Variants in FBP2 observed in about 807,000 individuals in gnomAD.
FBP2 encodes fructose-bisphosphatase 2.
A neutral mutation model predicts 31.6 loss-of-function variants in FBP2; 27 were observed. The ratio of observed to expected loss-of-function variants is 0.85; its 90% CI spans 0.63 to 1.18. The LOEUF (loss-of-function observed/expected upper bound fraction) is 1.18, where lower values mean the gene tolerates loss of function less well. FBP2 is among the 50% of genes most tolerant of loss of function. The pLI is 0.00. For synonymous variants in FBP2, 168 were observed against 179.8 expected, an observed-to-expected ratio of 0.93 and a Z score of 0.53; for missense variants, 421 against 436.1, an observed-to-expected ratio of 0.97 and a Z score of 0.31.
At chr9:94,563,989 C>G (rs891949313) in intron 5 of FBP2, among the ~76,000 whole-genome samples, 9 of 152,164 alleles carry the variant, frequency 5.9e-5, no homozygotes, top group Non-Finnish European at 1.3e-4. Context: ...ATTCATAAAG[C>G]AAGTCCTTAG....
intron 1 of FBP2, among the ~76,000 whole-genome samples, chr9:94,587,834 G>A (rs188936816): frequency 3.3e-4 from 50 of 151,858 alleles, no homozygotes; most frequent in African/African-American, 1.2e-3. Context: ...TCCAGCTCCT[G>A]GAATTTGTTT....
chr9:94,563,279 G>T (rs1239515035), intron 6 of FBP2, 63 bp downstream of exon 6: 12 of 1,575,452 alleles, frequency 7.6e-6, no homozygotes, highest in Non-Finnish European at 1.0e-5. Context: ...CAGCAGGTGT[G>T]ACGGGAGGGA....
At chr9:94,575,237 C>A (rs1405539562) in intron 3 of FBP2, among the ~76,000 whole-genome samples, 1 of 152,100 alleles carries the variant, frequency 6.6e-6, no homozygotes, top group African/African-American at 2.4e-5. Context: ...TTTCCAGCAA[C>A]CTAGTGGACT....
intron 3 of FBP2, among the ~76,000 whole-genome samples, chr9:94,582,652 A>C (rs1474359306): frequency 5.4e-5 from 8 of 148,436 alleles, no homozygotes; most frequent in Non-Finnish European, 1.5e-5. Flanking sequence ...GGTTCACGCC[A>C]TTCTCCTGCC....
chr9:94,578,968 G>A (rs1827344802), intron 3 of FBP2, among the ~76,000 whole-genome samples: 1 of 142,462 alleles, frequency 7.0e-6, no homozygotes, highest in Non-Finnish European at 1.5e-5. Flanking sequence ...CAGGAGAATG[G>A]CGTGAACCCG....
intron 5 of FBP2, among the ~76,000 whole-genome samples, chr9:94,563,898 A>G (rs1827146689): frequency 6.6e-6 from 1 of 152,212 alleles, no homozygotes; most frequent in Non-Finnish European, 1.5e-5. Flanking sequence ...CGAAAAGGAC[A>G]TTACATAATG....
rs371812187 is a variant in FBP2 at position 94,587,282 on chromosome 9, C to A, written c.333+25G>T. On this transcript the variant is annotated intron_variant, in intron 2 of 6. Coordinates refer to ENST00000375337, the MANE Select transcript of FBP2 (RefSeq NM_003837.4). ...CTCAGTATCATCATCTACTGGCGAG[C>A]GGGCACCGCAGCCCCATGACGCACC... 7.9e-5 allele frequency: 125 copies of A among 1,582,482 alleles called. No homozygotes were observed. The African/African-American group carries it at 1.5e-3, about 19-fold the overall frequency.
At chr9:94,564,026 C>T (rs1046195122) in intron 5 of FBP2, among the ~76,000 whole-genome samples, 1 of 152,116 alleles carries the variant, frequency 6.6e-6, no homozygotes, top group African/African-American at 2.4e-5. Flanking sequence ...TTAGACACCC[C>T]CCCACAATAA....
At chr9:94,568,564 C>T (rs1827227228) in intron 4 of FBP2, 1 of 152,142 alleles carries the variant, frequency 6.6e-6, no homozygotes, top group Non-Finnish European at 1.5e-5. Context: ...AATGACAGCT[C>T]ACAGTTGGCA....
At chr9:94,583,185 G>A (rs802918) in intron 3 of FBP2, among the ~76,000 whole-genome samples, 40,254 of 151,950 alleles carry the variant, frequency 0.26, 6,738 homozygotes, top group East Asian at 0.53. Flanking sequence ...CCAACCTGTT[G>A]TCAAGCCCCA....
intron 3 of FBP2, among the ~76,000 whole-genome samples, chr9:94,581,549 T>C (rs1034097377): frequency 1.3e-5 from 2 of 152,184 alleles, no homozygotes; most frequent in Non-Finnish European, 2.9e-5. Context: ...TCTAAGTCCC[T>C]GGGCCATAGG....
chr9:94,564,582 T>G (rs981809902), intron 5 of FBP2, among the ~76,000 whole-genome samples: 6 of 152,204 alleles, frequency 3.9e-5, no homozygotes, highest in African/African-American at 1.4e-4. Context: ...ATGCCACATG[T>G]TCTCACTTAT....
At chr9:94,589,309 C>T (rs1047848621) in intron 1 of FBP2, among the ~76,000 whole-genome samples, 1 of 152,192 alleles carries the variant, frequency 6.6e-6, no homozygotes, top group Admixed American at 6.5e-5. Context: ...GTTCCCACCA[C>T]AGCAGTGCTC....
rs73531436 is a variant in FBP2, at chr9:94,571,543, G to T, written c.486C>A (p.Ala162=). The change falls in exon 4 of 7, where the codon GCC becomes GCA. Residue 162 remains alanine, a synonymous_variant. Coordinates refer to ENST00000375337, the MANE Select transcript of FBP2 (RefSeq NM_003837.4). ...DALQCGRNIV[A]AGYALYGSAT... ...CACTACCGTACAGCGCATAACCTGC[G>T]GCCACAATATTGCGGCCACACTGCA... 1.9e-6 allele frequency: 3 copies of T among 1,613,814 alleles called. No individual in the cohort carries two copies. The highest frequency in any genetic ancestry group is 1.1e-5 in the South Asian group (1 of 91,018).
At chr9:94,582,359 T>TGTGTGTGTGC (rs1827380475) in intron 3 of FBP2, among the ~76,000 whole-genome samples, 1 of 66,718 alleles carries the variant, frequency 1.5e-5, no homozygotes, top group African/African-American at 5.9e-5. Context: ...TGCGTGTGTG[T>TGTGTGTGTGC]GTGTGTGTGT....
At chr9:94,562,570 C>G (rs1449379621) in intron 6 of FBP2, among the ~76,000 whole-genome samples, 1 of 152,126 alleles carries the variant, frequency 6.6e-6, no homozygotes, top group Non-Finnish European at 1.5e-5. Flanking sequence ...TCGAATAATT[C>G]AAATCTCAAG....
Position 94,587,384 on chromosome 9 carries a change from C to T in FBP2, c.256G>A (p.Val86Ile), listed in dbSNP as rs573212. 1 of 1,613,940 alleles carries T rather than the reference C, an allele frequency of 6.2e-7. No homozygotes were observed. Among genetic ancestry groups the T allele is most frequent in the Non-Finnish European group, 8.5e-7 (1 of 1,179,944 alleles). The stretch of plus-strand genomic sequence containing the variant: ...ACGCAGGTACTATAGGAGGATTGGA[C>T]CATGTTGATCACCAGGGAATTGGAT... ...VLSNSLVINM[V>I]QSSYSTCVLV... is the part of the protein sequence containing the mutation. The change falls in exon 2 of 7, where the codon GTC (valine) becomes ATC (isoleucine). Residue 86 changes from valine to isoleucine, a missense_variant. Transcript: ENST00000375337.
chr9:94,576,655 G>A (rs1203344012), intron 3 of FBP2: 4 of 152,240 alleles, frequency 2.6e-5, no homozygotes, highest in Non-Finnish European at 4.4e-5. Flanking sequence ...TTTCACTGGT[G>A]CACTGAAAGT....
At chr9:94,562,266 T>C (rs1006507698) in intron 6 of FBP2, among the ~76,000 whole-genome samples, 2 of 134,390 alleles carry the variant, frequency 1.5e-5, no homozygotes, top group Non-Finnish European at 3.0e-5. Context: ...GCCTAGATGG[T>C]GCCACTGCAC....
Sources: gnomAD v4.1 joint callset for allele counts (sites outside exome capture counted in the v4.1 genomes callset) on GRCh38, gnomAD v4.1.1 for gene constraint, MANE v1.5 for transcripts, NCBI Gene and HGNC (gene_info 2026-07-23, HGNC 2026-07-21) for gene names.